SMURF1: variants seen among roughly 807,000 people sequenced by gnomAD.
The protein encoded by SMURF1 is SMAD specific E3 ubiquitin protein ligase 1.
A neutral mutation model predicts 98.0 loss-of-function variants in SMURF1; 44 were observed. That is an observed-to-expected ratio of 0.45 (90% CI 0.35 to 0.58). The LOEUF (loss-of-function observed/expected upper bound fraction) is 0.58, where lower values mean the gene tolerates loss of function less well. Ranked by LOEUF, SMURF1 falls within the 20% of genes least tolerant of loss-of-function variation. SMURF1 has a pLI of 0.00. For synonymous variants in SMURF1, 396 were observed against 374.9 expected (o/e 1.06, Z -0.65); for missense variants, 687 against 938.4 (o/e 0.73, Z 3.50).
chr7:99,032,815 C>G (rs1378219491), intron 17 of SMURF1: 2 of 695,588 alleles, frequency 2.9e-6, no homozygotes, highest in Non-Finnish European at 5.1e-6. Context: ...TATACAGTGT[C>G]GTAATGTCGG....
intron 1 of SMURF1, among the ~76,000 whole-genome samples, chr7:99,102,303 A>G (rs1584181580): frequency 6.6e-6 from 1 of 152,188 alleles, no homozygotes; most frequent in Non-Finnish European, 1.5e-5. Flanking sequence ...AAGAGTTTTG[A>G]AAGAGAATTT....
intron 11 of SMURF1, chr7:99,045,421 A>G (rs951756346): frequency 9.0e-6 from 4 of 442,034 alleles, no homozygotes; most frequent in African/African-American, 8.0e-5. Flanking sequence ...AAGGGAGTGA[A>G]TTTAAAAGTT....
At chr7:99,104,888 C>G (rs1464049888) in intron 1 of SMURF1, among the ~76,000 whole-genome samples, 1 of 152,202 alleles carries the variant, frequency 6.6e-6, no homozygotes, top group Non-Finnish European at 1.5e-5. Flanking sequence ...GTTTCCTGGT[C>G]ACCCAAGCTA....
intron 1 of SMURF1, among the ~76,000 whole-genome samples, chr7:99,116,049 C>T (rs560057370): frequency 1.1e-3 from 162 of 152,140 alleles, no homozygotes; most frequent in African/African-American, 3.7e-3. Context: ...ACGAAATATG[C>T]ACAAATTTAA....
At position 99,027,516 on chromosome 7, in the gene SMURF1, T is replaced by G. The variant is rs1364540504; in HGVS notation, c.*3068A>C. On this transcript the variant is annotated 3_prime_UTR_variant, in exon 18 of 18. Coordinates refer to ENST00000361368, the MANE Select transcript of SMURF1 (RefSeq NM_181349.3). Reference sequence around the variant, plus strand: ...CCCAGCCTGCTGTACAATCACTGTTTGTTTTGTGTTTCCAGCTGGTTCCAT... The same window carrying G: ...CCCAGCCTGCTGTACAATCACTGTTGGTTTTGTGTTTCCAGCTGGTTCCAT... The G allele has an allele frequency of 1.3e-5, 2 of 152,658 alleles. No individual in the cohort carries two copies. Among genetic ancestry groups the G allele is most frequent in the African/African-American group, 4.8e-5 (2 of 41,464 alleles). The allele number at this position is 152,658 out of a possible 1,614,324, so 9.5% of individuals were successfully genotyped here. A position where few individuals can be genotyped will look rare whatever the true frequency, so the allele number is the denominator to read the frequency against.
chr7:99,124,239 G>A (rs1486326252), intron 1 of SMURF1, among the ~76,000 whole-genome samples: 1 of 152,178 alleles, frequency 6.6e-6, no homozygotes, highest in Non-Finnish European at 1.5e-5. Flanking sequence ...GCAAGCAGCA[G>A]AGCTGTACTG....
chr7:99,093,825 T>C (rs1338794805), intron 1 of SMURF1, among the ~76,000 whole-genome samples: 1 of 152,102 alleles, frequency 6.6e-6, no homozygotes, highest in Non-Finnish European at 1.5e-5. Context: ...CAATTATAAA[T>C]TGATCATAAG....
chr7:99,037,266 C>T, intron 14 of SMURF1, 79 bp from the exon 15 acceptor site: 1 of 1,563,206 alleles, frequency 6.4e-7, no homozygotes, highest in South Asian at 1.1e-5. Context: ...GAGACAGGGT[C>T]TCACTCTGTC....
At position 99,131,187 on chromosome 7, in the gene SMURF1, A is replaced by C. The variant is rs1445946409; in HGVS notation, c.55+12539T>G. On this transcript the variant is annotated intron_variant, in intron 1 of 17. Transcript: ENST00000361368. ...AAATTCTCTCTATTGAGCTAATTTA[A>C]CCTAGGTTTTCTGCTACTTACATCT... Among the ~76,000 whole-genome samples, 3 of 152,076 alleles carry C rather than the reference A, an allele frequency of 2.0e-5. No homozygotes were observed. In the East Asian group the frequency reaches 5.8e-4, roughly 29 times the overall value.
chr7:99,058,044 C>T (rs1221879203), intron 3 of SMURF1, among the ~76,000 whole-genome samples: 1 of 152,180 alleles, frequency 6.6e-6, no homozygotes, highest in Admixed American at 6.5e-5. Flanking sequence ...GAAGAACTAC[C>T]TTGCTCCTTA....
chr7:99,073,521 T>G (rs916913538), intron 1 of SMURF1, among the ~76,000 whole-genome samples: 1 of 149,244 alleles, frequency 6.7e-6, no homozygotes, highest in African/African-American at 2.5e-5. Flanking sequence ...TCCCAGCACT[T>G]TGGGAGGCCA....
chr7:99,044,567 A>T (rs181899739), intron 11 of SMURF1, among the ~76,000 whole-genome samples: 2 of 152,350 alleles, frequency 1.3e-5, no homozygotes, highest in African/African-American at 4.8e-5. Flanking sequence ...TTTAAGAGGC[A>T]GAAGGAATGC....
chr7:99,118,149 A>G (rs1226883451), intron 1 of SMURF1, among the ~76,000 whole-genome samples: 2 of 152,208 alleles, frequency 1.3e-5, no homozygotes, highest in Non-Finnish European at 2.9e-5. Flanking sequence ...ATGATGGAAA[A>G]TAACAAGTGT....
intron 6 of SMURF1, among the ~76,000 whole-genome samples, chr7:99,053,518 G>A (rs1795810618): frequency 6.6e-6 from 1 of 152,192 alleles, no homozygotes; most frequent in Admixed American, 6.5e-5. Context: ...CCTTGCATGT[G>A]TAGCTATGTC....
chr7:99,047,434 A>G (rs1795620048), intron 10 of SMURF1, among the ~76,000 whole-genome samples: 1 of 152,178 alleles, frequency 6.6e-6, no homozygotes, highest in Admixed American at 6.5e-5. Context: ...CATTTTTACC[A>G]TAAGAGGAAA....
intron 1 of SMURF1, among the ~76,000 whole-genome samples, chr7:99,105,595 G>A (rs1239758813): frequency 6.6e-6 from 1 of 152,196 alleles, no homozygotes; most frequent in Non-Finnish European, 1.5e-5. Context: ...GAGAGACTGA[G>A]TAGCTTTGCC....
intron 3 of SMURF1, among the ~76,000 whole-genome samples, chr7:99,060,216 A>T (rs1795996812): frequency 6.6e-6 from 1 of 151,456 alleles, no homozygotes; most frequent in South Asian, 2.1e-4. Flanking sequence ...CATCTCTACT[A>T]AAAAATACAA....
Position 99,060,697 on chromosome 7 carries a change from G to T in SMURF1, c.105C>A (p.Asp35Glu). Residue 35 changes from aspartate to glutamate, a missense_variant, in exon 3 of 18, where the codon GAC (aspartate) becomes GAA (glutamate). By Grantham distance (45) the Asp-to-Glu change is conservative. This residue lies in a region of SMURF1 where 415 missense variants were observed against 508.4 expected (regional missense o/e 0.82). Coordinates refer to ENST00000361368, the MANE Select transcript of SMURF1 (RefSeq NM_181349.3). The stretch of plus-strand genomic sequence containing the variant: ...CATCCACGACAATCTTTGCAAAAGG[G>T]TCAGGGAGCCCTAGAGGAGAGAGGA... ...LAKKDFFRLP[D>E]PFAKIVVDGS... 6.2e-7 allele frequency: 1 copy of T among 1,613,518 alleles called. No homozygotes were observed. The highest frequency in any genetic ancestry group is 8.5e-7 in the Non-Finnish European group (1 of 1,179,708).
chr7:99,053,245 TA>T (rs1378816161), intron 6 of SMURF1, among the ~76,000 whole-genome samples: 3 of 152,100 alleles, frequency 2.0e-5, no homozygotes, highest in African/African-American at 7.2e-5. Flanking sequence ...AATACTCTTT[TA>T]AAATCTTAGA....
Sources: gnomAD v4.1 joint callset for allele counts (sites outside exome capture counted in the v4.1 genomes callset) on GRCh38, gnomAD v4.1.1 for gene constraint, gnomAD v4.1.1 regional missense constraint, MANE v1.5 for transcripts, NCBI Gene and HGNC (gene_info 2026-07-23, HGNC 2026-07-21) for gene names.